SIPA1L1: variants seen among roughly 807,000 people sequenced by gnomAD.
SIPA1L1 encodes signal induced proliferation associated 1 like 1, also known as signal-induced proliferation-associated 1-like protein 1.
A neutral mutation model predicts 162.7 loss-of-function variants in SIPA1L1; 26 were observed. The observed-to-expected ratio is 0.16, with a 90% confidence interval of 0.12 to 0.22. SIPA1L1 has a LOEUF of 0.22. Among genes scored for constraint, SIPA1L1 ranks in the 10% least tolerant of loss-of-function variants. SIPA1L1 has a pLI of 1.00. For synonymous variants in SIPA1L1, 829 were observed against 837.4 expected, an observed-to-expected ratio of 0.99 and a Z score of 0.17; for missense variants, 1,874 against 2,241.0, an observed-to-expected ratio of 0.84 and a Z score of 3.31.
intron 2 of SIPA1L1, among the ~76,000 whole-genome samples, chr14:71,359,970 CA>C (rs2037644398): frequency 6.6e-6 from 1 of 152,072 alleles, no homozygotes; most frequent in South Asian, 2.1e-4. Flanking sequence ...CATTGTGGCC[CA>C]AAAAGTTGAG....
chr14:71,547,292 C>CTTTTTTTTTTTTTTTTTTTT (rs753714304), intron 4 of SIPA1L1, among the ~76,000 whole-genome samples: 1 of 111,278 alleles, frequency 9.0e-6, no homozygotes, highest in Non-Finnish European at 1.9e-5. Flanking sequence ...ATGAAAATAA[C>CTTTTTTTTTTTTTTTTTTTT]TTTTTTTTTT....
intron 8 of SIPA1L1, among the ~76,000 whole-genome samples, chr14:71,654,520 T>G (rs2042897768): frequency 6.6e-6 from 1 of 152,204 alleles, no homozygotes; most frequent in Non-Finnish European, 1.5e-5. Flanking sequence ...TTCAAAGCCC[T>G]GCCTTCATTA....
chr14:71,524,735 G>A (rs1381976678), intron 3 of SIPA1L1, among the ~76,000 whole-genome samples: 2 of 151,856 alleles, frequency 1.3e-5, no homozygotes, highest in East Asian at 1.9e-4. Flanking sequence ...AAGCATGATC[G>A]GCTGCACCTG....
At chr14:71,705,569 G>A (rs556723258) in intron 16 of SIPA1L1, among the ~76,000 whole-genome samples, 2 of 152,172 alleles carry the variant, frequency 1.3e-5, no homozygotes, top group South Asian at 4.1e-4. Flanking sequence ...CACAGGTCTG[G>A]TCATCTGATT....
At chr14:71,417,498 A>AAAAAAAAAAAAC (rs1157625899) in intron 2 of SIPA1L1, among the ~76,000 whole-genome samples, 3 of 146,492 alleles carry the variant, frequency 2.0e-5, no homozygotes, top group Non-Finnish European at 4.5e-5. Flanking sequence ...AAAAAAAAAA[A>AAAAAAAAAAAAC]AAAAAGAAAA....
intron 2 of SIPA1L1, among the ~76,000 whole-genome samples, chr14:71,353,827 A>G (rs1029692809): frequency 6.6e-6 from 1 of 152,038 alleles, no homozygotes; most frequent in African/African-American, 2.4e-5. Flanking sequence ...GAGCAACTGG[A>G]AAGAGGGGAA....
chr14:71,642,722 G>A (rs955265393), intron 7 of SIPA1L1, among the ~76,000 whole-genome samples: 3 of 152,104 alleles, frequency 2.0e-5, no homozygotes, highest in African/African-American at 7.2e-5. Context: ...TATAGTTGGG[G>A]AGGGGATAAA....
At chr14:71,508,292 TCTC>T (rs1219073676) in intron 2 of SIPA1L1, among the ~76,000 whole-genome samples, 1 of 152,174 alleles carries the variant, frequency 6.6e-6, no homozygotes, top group Non-Finnish European at 1.5e-5. Context: ...TAATTTGTAA[TCTC>T]CTCCAGTAAA....
intron 13 of SIPA1L1, among the ~76,000 whole-genome samples, chr14:71,693,717 CTTTT>C (rs1424412835): frequency 2.3e-4 from 34 of 147,150 alleles, no homozygotes; most frequent in South Asian, 1.9e-3. Context: ...TTTCTTTTTT[CTTTT>C]CTTTTTTTTT....
At chr14:71,697,934 C>CAAA (rs71929698) in intron 13 of SIPA1L1, among the ~76,000 whole-genome samples, 1 of 149,944 alleles carries the variant, frequency 6.7e-6, no homozygotes, top group Admixed American at 6.6e-5. Flanking sequence ...ATTAAAAAAA[C>CAAA]AAAAAAAAAA....
intron 12 of SIPA1L1, 114 bp downstream of exon 12, chr14:71,672,736 A>C: frequency 8.9e-7 from 1 of 1,125,736 alleles, no homozygotes; most frequent in South Asian, 1.6e-5. Context: ...AATAGGTTAC[A>C]TGTGATGCTG....
At position 71,402,373 on chromosome 14, in the gene SIPA1L1, A is replaced by G. The variant is rs560158417; in HGVS notation, c.-465+81192A>G. On this transcript the variant is annotated intron_variant, in intron 2 of 23. Coordinates refer to ENST00000381232, the MANE Select transcript of SIPA1L1 (RefSeq NM_001386936.1). ...AAATTTTTTTTTTTTTTTTGAGACA[A>G]GGTTTCTCTCTGTCTCCCAGGCTGG... Among the ~76,000 whole-genome samples the G allele has an allele frequency of 2.7e-5, 4 of 150,572 alleles. No individual in the cohort carries two copies. The East Asian group carries it at 5.8e-4, about 22-fold the overall frequency.
chr14:71,460,941 A>G (rs1021248276), intron 2 of SIPA1L1, among the ~76,000 whole-genome samples: 2 of 152,174 alleles, frequency 1.3e-5, no homozygotes. Context: ...CTGCTTCAGG[A>G]TTGGGAACAT....
At chr14:71,544,065 A>G (rs750380615) in intron 4 of SIPA1L1, among the ~76,000 whole-genome samples, 3 of 151,430 alleles carry the variant, frequency 2.0e-5, no homozygotes, top group Non-Finnish European at 2.9e-5. Flanking sequence ...GTATGTATAT[A>G]CACACGCACG....
intron 4 of SIPA1L1, among the ~76,000 whole-genome samples, chr14:71,530,906 G>A (rs565632122): frequency 1.6e-3 from 247 of 152,292 alleles, no homozygotes; most frequent in Non-Finnish European, 2.3e-3. Flanking sequence ...ATTGAGGATC[G>A]CTGAAAGAGG....
At chr14:71,535,446 A>G (rs1000408884) in intron 4 of SIPA1L1, among the ~76,000 whole-genome samples, 3 of 152,218 alleles carry the variant, frequency 2.0e-5, no homozygotes, top group Non-Finnish European at 4.4e-5. Context: ...AAGGGATAAT[A>G]TAAAATGAGC....
At chr14:71,417,388 G>A (rs1019788338) in intron 2 of SIPA1L1, among the ~76,000 whole-genome samples, 2 of 138,062 alleles carry the variant, frequency 1.4e-5, no homozygotes, top group Admixed American at 7.8e-5. Context: ...GGAGAATGGC[G>A]TGAACCCCAG....
chr14:71,407,685 T>G (rs940712097), intron 2 of SIPA1L1, among the ~76,000 whole-genome samples: 1 of 152,180 alleles, frequency 6.6e-6, no homozygotes, highest in Non-Finnish European at 1.5e-5. Flanking sequence ...TTATGTTTTT[T>G]GTAGAGACAA....
At chr14:71,489,029 A>C (rs2049009938) in intron 2 of SIPA1L1, among the ~76,000 whole-genome samples, 1 of 152,154 alleles carries the variant, frequency 6.6e-6, no homozygotes, top group Non-Finnish European at 1.5e-5. Context: ...TGCTAAGAGA[A>C]TCTTTGTGTG....
Sources: allele counts gnomAD v4.1 joint callset (sites outside exome capture counted in the v4.1 genomes callset), GRCh38; gene constraint gnomAD v4.1.1; transcripts MANE v1.5; gene names NCBI Gene and HGNC (gene_info 2026-07-23, HGNC 2026-07-21).